Variants in NOL4 observed in about 807,000 individuals in gnomAD.
NOL4 encodes the protein cancer/testis antigen 125.
Under a neutral mutation model 75.9 loss-of-function variants are expected in NOL4, and 17 were observed. The observed-to-expected ratio is 0.22, with a 90% CI of 0.15 to 0.34. The LOEUF is 0.34. Ranked by LOEUF, NOL4 falls within the 10% of genes least tolerant of loss-of-function variation. The pLI is 1.00. For synonymous variants in NOL4, 292 were observed against 289.9 expected (o/e 1.01, Z -0.07); for missense variants, 614 against 793.5 (o/e 0.77, Z 2.72).
intron 1 of NOL4, among the ~76,000 whole-genome samples, chr18:34,203,884 G>A (rs1291219092): frequency 6.6e-6 from 1 of 151,816 alleles, no homozygotes; most frequent in Admixed American, 6.6e-5. Context: ...ATGACCCAGG[G>A]ACTCCACTAC....
At chr18:34,218,661 C>G (rs2037083351) in intron 1 of NOL4, among the ~76,000 whole-genome samples, 1 of 152,030 alleles carries the variant, frequency 6.6e-6, no homozygotes, top group African/African-American at 2.4e-5. Context: ...TCTATTTGAC[C>G]CCCAAATCCT....
At chr18:34,111,662 A>G (rs1284988013) in intron 2 of NOL4, among the ~76,000 whole-genome samples, 1 of 152,196 alleles carries the variant, frequency 6.6e-6, no homozygotes, top group East Asian at 1.9e-4. Flanking sequence ...AAACAGACTA[A>G]GACATAGGCA....
At chr18:33,924,895 T>C (rs984294966) in intron 9 of NOL4, among the ~76,000 whole-genome samples, 2 of 151,934 alleles carry the variant, frequency 1.3e-5, no homozygotes, top group African/African-American at 2.4e-5. Flanking sequence ...AGGAGTGAAA[T>C]TGAACTGAGA....
intron 5 of NOL4, among the ~76,000 whole-genome samples, chr18:34,065,322 A>C (rs1189384942): frequency 6.6e-6 from 1 of 151,948 alleles, no homozygotes; most frequent in Non-Finnish European, 1.5e-5. Flanking sequence ...TAAAATGTTA[A>C]AGAAACTAAG....
At chr18:33,972,155 C>T (rs1411065197) in intron 6 of NOL4, among the ~76,000 whole-genome samples, 2 of 148,694 alleles carry the variant, frequency 1.3e-5, no homozygotes, top group Non-Finnish European at 3.0e-5. Context: ...TAGAGTGAGA[C>T]TCTGTCTCAA....
intron 6 of NOL4, among the ~76,000 whole-genome samples, chr18:34,017,305 T>C (rs1204947247): frequency 6.6e-6 from 1 of 152,128 alleles, no homozygotes; most frequent in Non-Finnish European, 1.5e-5. Flanking sequence ...AGACTGTTAT[T>C]TCTGAGTTGT....
At chr18:33,978,630 G>C (rs1192736517) in intron 6 of NOL4, among the ~76,000 whole-genome samples, 2 of 151,944 alleles carry the variant, frequency 1.3e-5, no homozygotes, top group Admixed American at 6.6e-5. Flanking sequence ...CTCAGTACCA[G>C]GGGAGACTGG....
At chr18:34,178,767 A>G (rs1232884611) in intron 1 of NOL4, among the ~76,000 whole-genome samples, 1 of 151,682 alleles carries the variant, frequency 6.6e-6, no homozygotes, top group African/African-American at 2.4e-5. Context: ...ACTTAACCCA[A>G]TTTCAAAAAT....
intron 1 of NOL4, among the ~76,000 whole-genome samples, chr18:34,217,908 C>T (rs1027394444): frequency 9.9e-5 from 15 of 151,750 alleles, no homozygotes; most frequent in East Asian, 7.7e-4. Flanking sequence ...AAACTTTAGC[C>T]GACCCAGAAC....
chr18:34,223,428 G>C lies in NOL4; in HGVS notation c.-175C>G, dbSNP rs1293643851. ...GAAGAGGGGAGGAGGGTCCGGTTGGGCACCAGCAATCAATGCCCCGTGCTA... is the reference window on the plus strand; with the variant it reads ...GAAGAGGGGAGGAGGGTCCGGTTGGCCACCAGCAATCAATGCCCCGTGCTA... On this transcript the variant is annotated 5_prime_UTR_variant, in exon 1 of 11. Coordinates refer to ENST00000261592, the MANE Select transcript of NOL4 (RefSeq NM_003787.5). The C allele has an allele frequency of 1.2e-6, 1 of 814,722 alleles. No individual in the cohort carries two copies. Among genetic ancestry groups the C allele is most frequent in the East Asian group, 2.7e-5 (1 of 37,236 alleles). 50.5% of individuals were successfully genotyped at this position (814,722 alleles called of 1,614,324 possible).
At chr18:33,891,110 T>C (rs2065067887) in intron 9 of NOL4, among the ~76,000 whole-genome samples, 1 of 151,764 alleles carries the variant, frequency 6.6e-6, no homozygotes, top group South Asian at 2.1e-4. Flanking sequence ...ATAATAGGCA[T>C]GTCATATTCA....
At chr18:34,201,829 T>G (rs956187141) in intron 1 of NOL4, among the ~76,000 whole-genome samples, 1 of 151,860 alleles carries the variant, frequency 6.6e-6, no homozygotes, top group African/African-American at 2.4e-5. Context: ...ATCAGTTTCA[T>G]TAATATAAAT....
intron 1 of NOL4, among the ~76,000 whole-genome samples, chr18:34,181,919 G>A (rs1259037076): frequency 6.6e-6 from 1 of 151,598 alleles, no homozygotes; most frequent in Non-Finnish European, 1.5e-5. Context: ...ATGTTAGCAT[G>A]TTAGGATGTG....
intron 10 of NOL4, among the ~76,000 whole-genome samples, chr18:33,862,146 C>T (rs1599657761): frequency 6.6e-6 from 1 of 151,954 alleles, no homozygotes; most frequent in African/African-American, 2.4e-5. Flanking sequence ...CTTTGACAAA[C>T]CTGAGAAAAA....
intron 6 of NOL4, among the ~76,000 whole-genome samples, chr18:34,018,925 T>A (rs1444466404): frequency 2.0e-5 from 3 of 152,146 alleles, no homozygotes; most frequent in Admixed American, 6.5e-5. Flanking sequence ...TGAAACTTTA[T>A]CTTTACTTAC....
At chr18:34,094,744 G>A (rs2078691002) in intron 4 of NOL4, among the ~76,000 whole-genome samples, 2 of 152,276 alleles carry the variant, frequency 1.3e-5, no homozygotes, top group South Asian at 4.1e-4. Flanking sequence ...TAGTAGTGCT[G>A]CTATTTATGT....
intron 1 of NOL4, among the ~76,000 whole-genome samples, chr18:34,133,933 G>A (rs1243287851): frequency 6.6e-6 from 1 of 152,130 alleles, no homozygotes. Context: ...TGAGGCAGGA[G>A]AATCGCTTGA....
chr18:34,153,353 G>A (rs1297349320), intron 1 of NOL4, among the ~76,000 whole-genome samples: 1 of 151,674 alleles, frequency 6.6e-6, no homozygotes, highest in East Asian at 1.9e-4. Context: ...TCTTTGTTGT[G>A]CTATTGCTCA....
At chr18:33,924,576 A>G (rs948097846) in intron 9 of NOL4, among the ~76,000 whole-genome samples, 1 of 152,122 alleles carries the variant, frequency 6.6e-6, no homozygotes, top group Non-Finnish European at 1.5e-5. Flanking sequence ...ATGGATATTT[A>G]TTACGTACCT....
Sources: allele counts gnomAD v4.1 joint callset (sites outside exome capture counted in the v4.1 genomes callset), GRCh38; gene constraint gnomAD v4.1.1; transcripts MANE v1.5; gene names NCBI Gene and HGNC (gene_info 2026-07-23, HGNC 2026-07-21).